The following CDH18 variants were observed in gnomAD, a reference collection of about 807,000 sequenced individuals.
CDH18 encodes cadherin 18.
A neutral mutation model predicts 67.9 loss-of-function variants in CDH18; 31 were observed. The observed-to-expected ratio is 0.46, with a 90% confidence interval of 0.34 to 0.62. CDH18 has a LOEUF of 0.62. CDH18 is among the 20% of genes least tolerant of loss of function. CDH18 has a pLI of 0.01. For synonymous variants in CDH18, 362 were observed against 347.2 expected (o/e 1.04, Z -0.48); for missense variants, 890 against 975.5 (o/e 0.91, Z 1.17).
In CDH18 at chr5:20,498,199, T is replaced by C. The variant is rs77016285; in HGVS notation, c.-580+77263A>G. 4.9e-4 allele frequency among the ~76,000 whole-genome samples: 65 copies of C among 131,756 alleles called. No individual in the cohort carries two copies. In the East Asian group the frequency reaches 0.012, roughly 25 times the overall value. 86.4% of individuals were successfully genotyped at this position (131,756 alleles called of 152,430 possible). ...TGCGGATTAGTAACTACTAACTTTA[T>C]AGTCATGTGACTTGATGATATCAAG... is the stretch of plus-strand genomic sequence containing the variant. On this transcript the variant is annotated intron_variant, in intron 1 of 14. Coordinates refer to the CDH18 transcript ENST00000507958.
chr5:20,384,414 G>A (rs1037291672), intron 1 of CDH18, among the ~76,000 whole-genome samples: 1 of 152,032 alleles, frequency 6.6e-6, no homozygotes, highest in Non-Finnish European at 1.5e-5. Context: ...CCTATAGCAG[G>A]ATTTTCTTTT....
intron 2 of CDH18, among the ~76,000 whole-genome samples, chr5:20,078,896 G>A (rs533303684): frequency 2.0e-5 from 3 of 152,174 alleles, no homozygotes; most frequent in Admixed American, 1.3e-4. Flanking sequence ...GATTACAGGC[G>A]TAAGCCACTG....
At chr5:19,535,599 T>A (rs1441573377) in intron 9 of CDH18, among the ~76,000 whole-genome samples, 1 of 152,134 alleles carries the variant, frequency 6.6e-6, no homozygotes, top group African/African-American at 2.4e-5. Flanking sequence ...ACAGTTGGAT[T>A]ACATTTGAAA....
intron 2 of CDH18, among the ~76,000 whole-genome samples, chr5:19,899,639 T>C (rs1789721875): frequency 6.6e-6 from 1 of 152,132 alleles, no homozygotes; most frequent in African/African-American, 2.4e-5. Flanking sequence ...CAAAGAGTAA[T>C]AGCACTCCTA....
intron 11 of CDH18, among the ~76,000 whole-genome samples, chr5:19,497,886 C>T (rs1742609388): frequency 6.6e-6 from 1 of 152,166 alleles, no homozygotes; most frequent in African/African-American, 2.4e-5. Context: ...ATTGTACCTA[C>T]TTACATGCTA....
chr5:19,522,213 C>T (rs750868933), intron 9 of CDH18, among the ~76,000 whole-genome samples: 1 of 151,906 alleles, frequency 6.6e-6, no homozygotes, highest in Non-Finnish European at 1.5e-5. Flanking sequence ...TTAAGAAATA[C>T]AAAAAATAAA....
At chr5:20,152,939 ATTTTTTT>A (rs34475393) in intron 2 of CDH18, among the ~76,000 whole-genome samples, 1 of 125,902 alleles carries the variant, frequency 7.9e-6, no homozygotes, top group Non-Finnish European at 1.6e-5. Context: ...AGGATGAGGA[ATTTTTTT>A]TTTTTTTTTT....
chr5:19,751,755 T>A (rs922787277), intron 3 of CDH18, among the ~76,000 whole-genome samples: 36 of 152,220 alleles, frequency 2.4e-4, no homozygotes, highest in African/African-American at 8.0e-4. Context: ...TACACACCAA[T>A]AAATGTATAA....
chr5:20,387,182 T>C (rs1445321914), intron 1 of CDH18, among the ~76,000 whole-genome samples: 1 of 152,210 alleles, frequency 6.6e-6, no homozygotes. Context: ...TTTCATGATA[T>C]TGATTCTTCC....
chr5:20,280,185 T>C (rs541696460), intron 1 of CDH18, among the ~76,000 whole-genome samples: 23 of 152,026 alleles, frequency 1.5e-4, no homozygotes, highest in African/African-American at 5.1e-4. Context: ...TATTTATTTA[T>C]TTATTTTATT....
intron 2 of CDH18, among the ~76,000 whole-genome samples, chr5:20,119,921 A>G (rs1748214706): frequency 6.6e-6 from 1 of 151,948 alleles, no homozygotes; most frequent in Non-Finnish European, 1.5e-5. Flanking sequence ...GAAAGTACTT[A>G]AAATATAAAT....
chr5:20,540,514 A>C (rs775892971), intron 1 of CDH18, among the ~76,000 whole-genome samples: 1 of 152,296 alleles, frequency 6.6e-6, no homozygotes, highest in Non-Finnish European at 1.5e-5. Flanking sequence ...GTGATAGCCA[A>C]ACATGTTTGA....
chr5:20,235,944 C>T (rs573411371), intron 2 of CDH18, among the ~76,000 whole-genome samples: 3 of 152,232 alleles, frequency 2.0e-5, no homozygotes, highest in East Asian at 1.9e-4. Context: ...TCATGTCCTT[C>T]ACAGCAACAT....
At chr5:20,464,430 T>A (rs1278069652) in intron 1 of CDH18, among the ~76,000 whole-genome samples, 1 of 150,482 alleles carries the variant, frequency 6.6e-6, no homozygotes, top group African/African-American at 2.5e-5. Context: ...ATAGTAAGAT[T>A]TTGTTCATTG....
intron 5 of CDH18, among the ~76,000 whole-genome samples, chr5:19,660,354 T>C (rs1182171643): frequency 6.6e-6 from 1 of 152,130 alleles, no homozygotes; most frequent in South Asian, 2.1e-4. Context: ...AGTGAAACAC[T>C]GAGAGTGAAT....
chr5:20,376,747 T>G (rs1401648883), intron 1 of CDH18, among the ~76,000 whole-genome samples: 2 of 152,092 alleles, frequency 1.3e-5, no homozygotes, highest in East Asian at 3.9e-4. Context: ...CTGGGCGTGG[T>G]GGCTCACACA....
chr5:20,501,717 TTG>T (rs1170488048), intron 1 of CDH18, among the ~76,000 whole-genome samples: 15,984 of 120,898 alleles, frequency 0.13, 1,090 homozygotes, highest in Non-Finnish European at 0.16. Context: ...TCTTAAGGAT[TTG>T]TGTGTGTGTG....
chr5:19,932,442 T>C (rs1450876136), intron 2 of CDH18, among the ~76,000 whole-genome samples: 2 of 151,722 alleles, frequency 1.3e-5, no homozygotes, highest in Non-Finnish European at 3.0e-5. Flanking sequence ...GGTTTCTCAA[T>C]GTCTTTACTT....
intron 2 of CDH18, among the ~76,000 whole-genome samples, chr5:19,884,841 T>G (rs891571629): frequency 1.3e-5 from 2 of 152,114 alleles, no homozygotes; most frequent in African/African-American, 4.8e-5. Context: ...CTCTTTCCAC[T>G]AAACTAGTAT....
Sources: allele counts gnomAD v4.1 joint callset (sites outside exome capture counted in the v4.1 genomes callset), GRCh38; gene constraint gnomAD v4.1.1; transcripts MANE v1.5; gene names NCBI Gene and HGNC (gene_info 2026-07-23, HGNC 2026-07-21).